Variants in ABTB3 observed in about 807,000 individuals in gnomAD.
ABTB3 encodes the protein ankyrin repeat- and BTB/POZ domain-containing protein 3.
the ABTB3 span, among the ~76,000 whole-genome samples, chr12:107,594,188 C>T: frequency 6.6e-6 from 1 of 152,178 alleles, no homozygotes; most frequent in Non-Finnish European, 1.5e-5. Context: ...AATGCTGCCT[C>T]GTCATTTTCT....
the ABTB3 span, among the ~76,000 whole-genome samples, chr12:107,379,416 G>A: frequency 6.6e-6 from 1 of 152,018 alleles, no homozygotes; most frequent in Non-Finnish European, 1.5e-5. Context: ...GAAGTCTCAC[G>A]AGATCTGATG....
At chr12:107,646,335 G>T in the ABTB3 span, among the ~76,000 whole-genome samples, 3 of 152,226 alleles carry the variant, frequency 2.0e-5, no homozygotes, top group Non-Finnish European at 4.4e-5. Flanking sequence ...CCACTAAGGA[G>T]CAGCGTTTCA....
chr12:107,575,466 A>C, the ABTB3 span, among the ~76,000 whole-genome samples: 1 of 152,202 alleles, frequency 6.6e-6, no homozygotes. Flanking sequence ...GCTGTAAAAA[A>C]TTACCACACA....
the ABTB3 span, among the ~76,000 whole-genome samples, chr12:107,441,692 C>T: frequency 6.7e-6 from 1 of 149,714 alleles, no homozygotes; most frequent in Admixed American, 6.9e-5. Context: ...AATCCTAGCA[C>T]TTTGGGATAC....
the ABTB3 span, among the ~76,000 whole-genome samples, chr12:107,335,353 A>G: frequency 6.9e-6 from 1 of 144,190 alleles, no homozygotes; most frequent in African/African-American, 2.5e-5. Context: ...ACTTATTGGG[A>G]ACCACACTAA....
At chr12:107,658,330 CTTTA>C in the ABTB3 span, 3 of 151,414 alleles carry the variant, frequency 2.0e-5, no homozygotes, top group Non-Finnish European at 2.9e-5. Context: ...TGAGATTTTT[CTTTA>C]TTTCTTTTTT....
At chr12:107,501,394 A>AG in the ABTB3 span, among the ~76,000 whole-genome samples, 8 of 150,434 alleles carry the variant, frequency 5.3e-5, no homozygotes, top group South Asian at 1.0e-3. Context: ...AGTAAAAAAA[A>AG]AAAACAAGAA....
At chr12:107,588,192 C>T in the ABTB3 span, among the ~76,000 whole-genome samples, 2 of 152,180 alleles carry the variant, frequency 1.3e-5, no homozygotes, top group African/African-American at 4.8e-5. Flanking sequence ...ATAGCCTCAT[C>T]TTAACTTGAT....
At chr12:107,453,325 T>G in the ABTB3 span, among the ~76,000 whole-genome samples, 5 of 152,158 alleles carry the variant, frequency 3.3e-5, no homozygotes, top group Non-Finnish European at 7.4e-5. Flanking sequence ...AATTTGAATG[T>G]TGAAATTCTA....
At chr12:107,563,563 C>T in the ABTB3 span, among the ~76,000 whole-genome samples, 1 of 151,560 alleles carries the variant, frequency 6.6e-6, no homozygotes, top group South Asian at 2.1e-4. Context: ...GTTGCGGTGG[C>T]GGTGAAGACA....
the ABTB3 span, chr12:107,659,508 G>A: frequency 3.9e-5 from 6 of 152,370 alleles, no homozygotes; most frequent in East Asian, 1.2e-3. Context: ...CTTAACCTCA[G>A]CTGACTTCCC....
the ABTB3 span, among the ~76,000 whole-genome samples, chr12:107,322,751 A>C: frequency 2.0e-5 from 1 of 48,932 alleles, no homozygotes; most frequent in East Asian, 6.8e-4. Flanking sequence ...GGCATAGGGA[A>C]CTTAAGTATC....
At chr12:107,514,516 C>T in the ABTB3 span, among the ~76,000 whole-genome samples, 15,058 of 152,192 alleles carry the variant, frequency 0.099, 822 homozygotes, top group South Asian at 0.14. Context: ...TGTATCTAAA[C>T]TTGGGTCTTC....
the ABTB3 span, among the ~76,000 whole-genome samples, chr12:107,475,549 T>C: frequency 1.3e-5 from 2 of 152,166 alleles, no homozygotes; most frequent in Non-Finnish European, 2.9e-5. Context: ...GGAGTCCTTG[T>C]AGAACTCTGA....
At chr12:107,458,552 G>A in the ABTB3 span, among the ~76,000 whole-genome samples, 1 of 152,184 alleles carries the variant, frequency 6.6e-6, no homozygotes. Context: ...AAGGACCCTA[G>A]AGTATTACAC....
chr12:107,615,091 G>A, the ABTB3 span: 77 of 1,613,652 alleles, frequency 4.8e-5, 1 homozygote, highest in African/African-American at 8.0e-4. Context: ...ATATCCATCC[G>A]TCCACCCCGA....
chr12:107,389,866 G>GTGTGTGTGTGTGTT, the ABTB3 span, among the ~76,000 whole-genome samples: 221 of 150,272 alleles, frequency 1.5e-3, 2 homozygotes, highest in African/African-American at 5.3e-3. Flanking sequence ...GTGTGTGTGT[G>GTGTGTGTGTGTGTT]TGTGTGTGTG....
At chr12:107,597,468 C>T in the ABTB3 span, among the ~76,000 whole-genome samples, 1 of 152,190 alleles carries the variant, frequency 6.6e-6, no homozygotes, top group Non-Finnish European at 1.5e-5. Context: ...AGAATGGCAG[C>T]TGACCTCACC....
the ABTB3 span, chr12:107,319,846 C>G: frequency 1.1e-5 from 14 of 1,237,338 alleles, no homozygotes; most frequent in Non-Finnish European, 1.4e-5. Context: ...GCGCCTGCAG[C>G]GCAGCCAGCA....
Sources: allele counts gnomAD v4.1 joint callset (sites outside exome capture counted in the v4.1 genomes callset), GRCh38; gene constraint gnomAD v4.1.1; transcripts MANE v1.5; gene names NCBI Gene and HGNC (gene_info 2026-07-23, HGNC 2026-07-21).